The following NOS1AP variants were observed in gnomAD, a reference collection of about 807,000 sequenced individuals.
NOS1AP encodes carboxyl-terminal PDZ ligand of neuronal nitric oxide synthase protein.
In NOS1AP, 21 loss-of-function variants were observed where a neutral mutation model predicts 56.2. The observed-to-expected ratio is 0.37, with a 90% CI of 0.26 to 0.54. The LOEUF (loss-of-function observed/expected upper bound fraction) is 0.54, where lower values mean the gene tolerates loss of function less well. Ranked by LOEUF, NOS1AP falls within the 20% of genes least tolerant of loss-of-function variation. NOS1AP has a pLI of 0.84. For synonymous variants in NOS1AP, 270 were observed against 274.6 expected, an observed-to-expected ratio of 0.98 and a Z score of 0.17; for missense variants, 522 against 657.8, an observed-to-expected ratio of 0.79 and a Z score of 2.26.
intron 6 of NOS1AP, among the ~76,000 whole-genome samples, chr1:162,354,435 G>A (rs1194409586): frequency 6.6e-6 from 1 of 152,250 alleles, no homozygotes; most frequent in East Asian, 1.9e-4. Context: ...TTGGTATTAA[G>A]CAGTATGCTG....
chr1:162,326,859 A>G (rs1571221025), intron 4 of NOS1AP, among the ~76,000 whole-genome samples: 2 of 152,360 alleles, frequency 1.3e-5, no homozygotes, highest in South Asian at 4.1e-4. Context: ...ATGAGGTCTC[A>G]TGGCCAGAGA....
chr1:162,197,584 G>A (rs1651850300), intron 2 of NOS1AP, among the ~76,000 whole-genome samples: 1 of 152,178 alleles, frequency 6.6e-6, no homozygotes, highest in African/African-American at 2.4e-5. Context: ...GGAAGCCTGT[G>A]GAGAAAGAGC....
intron 2 of NOS1AP, among the ~76,000 whole-genome samples, chr1:162,270,068 A>C (rs918441194): frequency 6.6e-6 from 1 of 152,222 alleles, no homozygotes; most frequent in Non-Finnish European, 1.5e-5. Context: ...GAAGGGGAAC[A>C]TTAAATGGCA....
chr1:162,137,177 T>G (rs1415264), intron 1 of NOS1AP, among the ~76,000 whole-genome samples: 104,806 of 151,462 alleles, frequency 0.69, 36,692 homozygotes, highest in Non-Finnish European at 0.72. Flanking sequence ...AAGCACGATT[T>G]GCATTTGCAC....
chr1:162,168,829 G>A (rs1650629281), intron 2 of NOS1AP, among the ~76,000 whole-genome samples: 1 of 152,138 alleles, frequency 6.6e-6, no homozygotes, highest in Admixed American at 6.6e-5. Context: ...AATATAGTAA[G>A]TCACTGCTCC....
intron 8 of NOS1AP, among the ~76,000 whole-genome samples, chr1:162,361,580 AG>A (rs1271048630): frequency 1.3e-5 from 2 of 152,242 alleles, no homozygotes; most frequent in Admixed American, 6.5e-5. Flanking sequence ...GCAGAAGCAG[AG>A]GGCTCATTAG....
chr1:162,247,275 T>A (rs1039016072), intron 2 of NOS1AP, among the ~76,000 whole-genome samples: 1 of 152,212 alleles, frequency 6.6e-6, no homozygotes, highest in Non-Finnish European at 1.5e-5. Context: ...TCAGGAAAGA[T>A]GCTCTGATCT....
intron 1 of NOS1AP, among the ~76,000 whole-genome samples, chr1:162,073,246 G>A (rs949990273): frequency 1.5e-4 from 23 of 152,282 alleles, no homozygotes; most frequent in African/African-American, 4.3e-4. Flanking sequence ...AGGTTGTTGC[G>A]TGCCTTAGTG....
At chr1:162,189,184 G>A (rs1016657264) in intron 2 of NOS1AP, among the ~76,000 whole-genome samples, 1 of 152,146 alleles carries the variant, frequency 6.6e-6, no homozygotes, top group Non-Finnish European at 1.5e-5. Context: ...ACAATAGGAG[G>A]TCTAAGAACA....
intron 2 of NOS1AP, among the ~76,000 whole-genome samples, chr1:162,213,460 CA>C (rs1300053730): frequency 6.6e-6 from 1 of 152,186 alleles, no homozygotes; most frequent in East Asian, 1.9e-4. Flanking sequence ...TTGCCAAATA[CA>C]AGAAGCAGAG....
chr1:162,215,792 A>G (rs991698866), intron 2 of NOS1AP, among the ~76,000 whole-genome samples: 1 of 152,248 alleles, frequency 6.6e-6, no homozygotes, highest in Non-Finnish European at 1.5e-5. Context: ...GTCGAATTCT[A>G]TAATCTTTCA....
At position 162,359,756 on chromosome 1, in the gene NOS1AP, G is replaced by A. The variant is rs554432999; in HGVS notation, c.939+2620G>A. 9.9e-5 allele frequency among the ~76,000 whole-genome samples: 15 copies of A among 152,176 alleles called. No homozygotes were observed. In the East Asian group the frequency reaches 2.9e-3, roughly 29 times the overall value. ...GATTTCAGTTTCCAGCACGAGGTCA[G>A]CTCTTACTTGTTCTGTCAGACTCTA... On this transcript the variant is annotated intron_variant, in intron 8 of 9. Transcript: ENST00000361897.
chr1:162,210,048 T>C (rs1260657982), intron 2 of NOS1AP, among the ~76,000 whole-genome samples: 1 of 152,218 alleles, frequency 6.6e-6, no homozygotes, highest in Admixed American at 6.5e-5. Context: ...TTTTTGTTAA[T>C]TTTTCCTTAT....
At chr1:162,132,306 C>G (rs972497781) in intron 1 of NOS1AP, among the ~76,000 whole-genome samples, 1 of 152,150 alleles carries the variant, frequency 6.6e-6, no homozygotes, top group South Asian at 2.1e-4. Context: ...TCAAATATGC[C>G]TCCCCAGGCA....
intron 1 of NOS1AP, among the ~76,000 whole-genome samples, chr1:162,106,760 A>T (rs1315644071): frequency 1.3e-5 from 2 of 152,210 alleles, no homozygotes; most frequent in African/African-American, 4.8e-5. Flanking sequence ...TGTAGGGGGA[A>T]ATCGATACGT....
chr1:162,201,305 C>A (rs1300224430), intron 2 of NOS1AP, among the ~76,000 whole-genome samples: 1 of 152,126 alleles, frequency 6.6e-6, no homozygotes, highest in Non-Finnish European at 1.5e-5. Context: ...ATCCTGTAGT[C>A]TATCATATCC....
chr1:162,225,085 C>A (rs572952498), intron 2 of NOS1AP, among the ~76,000 whole-genome samples: 1 of 152,288 alleles, frequency 6.6e-6, no homozygotes, highest in Non-Finnish European at 1.5e-5. Flanking sequence ...TTTTCACCAC[C>A]CCACATACTT....
chr1:162,070,716 G>A (rs1691642137), intron 1 of NOS1AP, among the ~76,000 whole-genome samples: 1 of 152,058 alleles, frequency 6.6e-6, no homozygotes, highest in Admixed American at 6.5e-5. Context: ...AAAGAGGAAT[G>A]CCTGCTTCCT....
At chr1:162,305,241 A>C (rs1002817341) in intron 4 of NOS1AP, among the ~76,000 whole-genome samples, 1 of 152,054 alleles carries the variant, frequency 6.6e-6, no homozygotes, top group African/African-American at 2.4e-5. Context: ...TGTTTCCAAA[A>C]CTTTTTTATC....
Sources: gnomAD v4.1 joint callset for allele counts (sites outside exome capture counted in the v4.1 genomes callset) on GRCh38, gnomAD v4.1.1 for gene constraint, MANE v1.5 for transcripts, NCBI Gene and HGNC (gene_info 2026-07-23, HGNC 2026-07-21) for gene names.